The following TENM2 variants were observed in gnomAD, a reference collection of about 807,000 sequenced individuals.
The protein encoded by TENM2 is teneurin transmembrane protein 2, also known as teneurin-2.
A neutral mutation model predicts 245.2 loss-of-function variants in TENM2; 52 were observed. That is an observed-to-expected ratio of 0.21 (90% CI 0.17 to 0.27). TENM2 has a LOEUF of 0.27. TENM2 is among the 10% of genes least tolerant of loss of function. The pLI is 1.00. For synonymous variants in TENM2, 1,363 were observed against 1,438.9 expected (o/e 0.95, Z 1.19); for missense variants, 3,046 against 3,666.8 (o/e 0.83, Z 4.37).
At chr5:167,837,747 A>T in intron 2 of TENM2, among the ~76,000 whole-genome samples, 1 of 152,148 alleles carries the variant, frequency 6.6e-6, no homozygotes, top group East Asian at 1.9e-4. Context: ...TTCAGTGCCA[A>T]AGAACAATAG....
chr5:167,005,520 G>A, the TENM2 span, among the ~76,000 whole-genome samples: 11 of 151,766 alleles, frequency 7.2e-5, no homozygotes, highest in South Asian at 2.1e-4. Context: ...TGAATAATGC[G>A]TACTATACTG....
chr5:167,406,644 C>T (rs920480355), intron 2 of TENM2, among the ~76,000 whole-genome samples: 1 of 152,118 alleles, frequency 6.6e-6, no homozygotes, highest in Non-Finnish European at 1.5e-5. Flanking sequence ...AAGCATTCTA[C>T]AGATGAGGAA....
At chr5:167,680,221 G>A (rs1177922534) in intron 2 of TENM2, among the ~76,000 whole-genome samples, 1 of 151,718 alleles carries the variant, frequency 6.6e-6, no homozygotes, top group Non-Finnish European at 1.5e-5. Context: ...AAAAAATCAT[G>A]CCTGTCTTTA....
At chr5:167,704,044 A>T (rs917537886) in intron 2 of TENM2, among the ~76,000 whole-genome samples, 1 of 152,148 alleles carries the variant, frequency 6.6e-6, no homozygotes, top group African/African-American at 2.4e-5. Flanking sequence ...GTGCAAAATT[A>T]TTTCTAGGTA....
intron 2 of TENM2, among the ~76,000 whole-genome samples, chr5:167,683,164 A>G (rs1257635383): frequency 6.6e-6 from 1 of 152,188 alleles, no homozygotes; most frequent in Non-Finnish European, 1.5e-5. Flanking sequence ...CAGCAATTAT[A>G]ATCTGTATTA....
chr5:167,648,280 T>A (rs561786770), intron 2 of TENM2, among the ~76,000 whole-genome samples: 11 of 152,354 alleles, frequency 7.2e-5, no homozygotes, highest in Admixed American at 1.3e-4. Flanking sequence ...AAAGCCAGTG[T>A]GTAATGCTTT....
intron 2 of TENM2, among the ~76,000 whole-genome samples, chr5:167,807,818 G>A (rs182400535): frequency 1.4e-4 from 21 of 152,182 alleles, no homozygotes; most frequent in African/African-American, 4.3e-4. Flanking sequence ...AATTTGTAGT[G>A]CATTAGAAAT....
chr5:167,621,879 A>G (rs977257175), intron 2 of TENM2, among the ~76,000 whole-genome samples: 2 of 152,162 alleles, frequency 1.3e-5, no homozygotes, highest in African/African-American at 4.8e-5. Context: ...AGTTGTTAAC[A>G]TGCATTTTCA....
At chr5:167,597,167 T>TTTC (rs1554087467) in intron 2 of TENM2, among the ~76,000 whole-genome samples, 4 of 116,012 alleles carry the variant, frequency 3.4e-5, no homozygotes, top group African/African-American at 1.1e-4. Flanking sequence ...TTTCTTTTCT[T>TTTC]TTTTTTTTTT....
chr5:167,991,927 A>G (rs1783698542), intron 4 of TENM2, among the ~76,000 whole-genome samples: 2 of 152,180 alleles, frequency 1.3e-5, no homozygotes, highest in Non-Finnish European at 2.9e-5. Flanking sequence ...TCTAAAATGG[A>G]GAGATTCTGC....
At chr5:167,331,235 C>CAAAAAAAAAAAAAAAAAAAAAA (rs34787036) in intron 1 of TENM2, among the ~76,000 whole-genome samples, 1 of 85,562 alleles carries the variant, frequency 1.2e-5, no homozygotes, top group African/African-American at 4.9e-5. Context: ...GACTCTGTCT[C>CAAAAAAAAAAAAAAAAAAAAAA]AAAAAAAAAA....
At chr5:167,141,305 A>C in the TENM2 span, among the ~76,000 whole-genome samples, 1 of 152,202 alleles carries the variant, frequency 6.6e-6, no homozygotes, top group Non-Finnish European at 1.5e-5. Context: ...TTTGGAAGAG[A>C]GTAGATGGTA....
intron 19 of TENM2, among the ~76,000 whole-genome samples, chr5:168,209,785 C>A (rs1214654038): frequency 6.6e-6 from 1 of 152,214 alleles, no homozygotes; most frequent in Non-Finnish European, 1.5e-5. Context: ...CCAGCCCTAA[C>A]TCTCTCCTGG....
chr5:168,067,680 T>C (rs1392088718), intron 7 of TENM2, among the ~76,000 whole-genome samples: 1 of 152,190 alleles, frequency 6.6e-6, no homozygotes, highest in African/African-American at 2.4e-5. Flanking sequence ...GGACTAACTG[T>C]GTTCCTGGGA....
At chr5:167,348,566 G>A (rs1758621432) in intron 1 of TENM2, among the ~76,000 whole-genome samples, 2 of 152,084 alleles carry the variant, frequency 1.3e-5, no homozygotes, top group African/African-American at 4.8e-5. Flanking sequence ...AGTGTAGCCC[G>A]TTTAATCAAA....
intron 2 of TENM2, among the ~76,000 whole-genome samples, chr5:167,586,849 CA>C (rs1416652326): frequency 2.2e-5 from 3 of 133,656 alleles, no homozygotes; most frequent in African/African-American, 8.0e-5. Flanking sequence ...TTTTTATTCA[CA>C]AAAATATCTA....
chr5:168,116,815 G>A (rs1181691012), intron 9 of TENM2, among the ~76,000 whole-genome samples: 1 of 152,166 alleles, frequency 6.6e-6, no homozygotes, highest in East Asian at 1.9e-4. Context: ...GATTAGGTAT[G>A]CCATCGCTGA....
chr5:167,822,923 C>G (rs1455077032), intron 2 of TENM2, among the ~76,000 whole-genome samples: 1 of 152,156 alleles, frequency 6.6e-6, no homozygotes, highest in Admixed American at 6.5e-5. Flanking sequence ...ACGTTGGAAC[C>G]ATTTGTTAGG....
chr5:167,474,048 A>G (rs954842225), intron 2 of TENM2, among the ~76,000 whole-genome samples: 1 of 152,144 alleles, frequency 6.6e-6, no homozygotes, highest in Admixed American at 6.6e-5. Context: ...TTAAAAATCT[A>G]ATCTAACCTA....
Sources: allele counts gnomAD v4.1 joint callset (sites outside exome capture counted in the v4.1 genomes callset), GRCh38; gene constraint gnomAD v4.1.1; transcripts MANE v1.5; gene names NCBI Gene and HGNC (gene_info 2026-07-23, HGNC 2026-07-21).